DNAH9: variants seen among roughly 807,000 people sequenced by gnomAD.
DNAH9 encodes DNAH9 variant protein.
A neutral mutation model predicts 471.6 loss-of-function variants in DNAH9; 345 were observed. The ratio of observed to expected loss-of-function variants is 0.73; its 90% CI spans 0.67 to 0.80. The LOEUF is 0.80. Among genes scored for constraint, DNAH9 ranks in the 30% least tolerant of loss-of-function variants. The probability of loss-of-function intolerance (pLI) is 0.00; values close to 1 mark genes in which losing one functional copy is unlikely to be tolerated. For missense variants in DNAH9, 5,407 were observed against 5,609.2 expected (o/e 0.96, Z 1.15); for synonymous variants, 2,093 against 2,123.6 (o/e 0.99, Z 0.40).
intron 26 of DNAH9, among the ~76,000 whole-genome samples, chr17:11,712,910 CTT>C (rs1185836954): frequency 6.8e-6 from 1 of 147,372 alleles, no homozygotes; most frequent in African/African-American, 2.5e-5. Flanking sequence ...AAAAAAAAAA[CTT>C]TTATTTTAGG....
chr17:11,777,226 G>C (rs893164777), intron 38 of DNAH9, among the ~76,000 whole-genome samples: 1 of 152,126 alleles, frequency 6.6e-6, no homozygotes. Flanking sequence ...TGAGCTTTCA[G>C]GCAAGCAGTT....
In DNAH9 at chr17:11,598,729, G is replaced by T. The variant is rs2072314645; in HGVS notation, c.231G>T (p.Gly77=). ...GPRPLLVVRP[G]PRGLAIRPGL... Reference sequence around the variant, plus strand: ...GGCCGCTGCTGGTGGTGCGGCCCGGGCCCAGGGGCCTGGCAATACGCCCCG... The same window carrying T: ...GGCCGCTGCTGGTGGTGCGGCCCGGTCCCAGGGGCCTGGCAATACGCCCCG... The change falls in exon 1 of 69, where the codon GGG becomes GGT. Residue 77 remains glycine (G), a synonymous_variant. Coordinates refer to ENST00000262442, the MANE Select transcript of DNAH9 (RefSeq NM_001372.4). 7.2e-7 allele frequency: 1 copy of T among 1,397,148 alleles called. No individual in the cohort carries two copies. The highest frequency in any genetic ancestry group is 1.5e-5 in the South Asian group (1 of 64,702). The allele number at this position is 1,397,148 out of a possible 1,614,324, so 86.5% of individuals were successfully genotyped here.
In DNAH9 at chr17:11,915,731, C is replaced by G. The variant is rs939076008; in HGVS notation, c.11750-8083C>G. On this transcript the variant is annotated intron_variant, in intron 61 of 68. Transcript: ENST00000262442. ...TTTATCTGAAATATTTTCAACCATC[C>G]AATGCCTACTCATCCTGCAAATTAC... Among the ~76,000 whole-genome samples the G allele has an allele frequency of 2.0e-5, 3 of 152,180 alleles. No homozygotes were observed. In the East Asian group the frequency reaches 5.8e-4, roughly 29 times the overall value.
chr17:11,928,124 T>C (rs1463772814), intron 62 of DNAH9, among the ~76,000 whole-genome samples: 2 of 150,774 alleles, frequency 1.3e-5, no homozygotes, highest in East Asian at 2.2e-4. Flanking sequence ...TATTTATTTA[T>C]TCATTCATTC....
intron 50 of DNAH9, among the ~76,000 whole-genome samples, chr17:11,866,112 G>C (rs1001586965): frequency 2.6e-5 from 4 of 151,948 alleles, no homozygotes; most frequent in Non-Finnish European, 5.9e-5. Context: ...AGAGTTTCCA[G>C]TTTTTCTGCT....
intron 15 of DNAH9, among the ~76,000 whole-genome samples, chr17:11,667,932 C>T (rs1023595190): frequency 4.6e-5 from 7 of 152,186 alleles, no homozygotes; most frequent in East Asian, 1.9e-4. Context: ...AAGAAGACAA[C>T]GATGGATTTC....
chr17:11,867,809 T>C (rs1450142448), intron 50 of DNAH9, among the ~76,000 whole-genome samples: 1 of 152,252 alleles, frequency 6.6e-6, no homozygotes, highest in Non-Finnish European at 1.5e-5. Context: ...ATTCTCTGCC[T>C]CTATTGACTT....
At chr17:11,694,645 TCTCG>T (rs1157519157) in intron 22 of DNAH9, among the ~76,000 whole-genome samples, 198 bp downstream of exon 22, 212 of 3,176 alleles carry the variant, frequency 0.067, 50 homozygotes, top group Middle Eastern at 0.5. Flanking sequence ...TTTCTTGCTT[TCTCG>T]CTTTCTCGCT....
intron 63 of DNAH9, 29 bp from the exon 64 acceptor site, chr17:11,931,985 G>C (rs1002716919): frequency 4.3e-6 from 7 of 1,611,102 alleles, no homozygotes; most frequent in Non-Finnish European, 5.9e-6. Flanking sequence ...AGTTGTGTGC[G>C]AACCTTAAAA....
intron 33 of DNAH9, among the ~76,000 whole-genome samples, chr17:11,756,226 A>G (rs1451560026): frequency 6.6e-6 from 1 of 151,474 alleles, no homozygotes; most frequent in African/African-American, 2.4e-5. Context: ...GCAGTGAGCC[A>G]AGATTGTGCC....
intron 38 of DNAH9, among the ~76,000 whole-genome samples, chr17:11,780,529 C>T (rs1968628419): frequency 6.6e-6 from 1 of 152,196 alleles, no homozygotes; most frequent in Non-Finnish European, 1.5e-5. Context: ...AGTAGAGTAC[C>T]TGGCCTTGGG....
intron 67 of DNAH9, among the ~76,000 whole-genome samples, chr17:11,961,172 G>A (rs760751102): frequency 6.6e-5 from 10 of 151,926 alleles, no homozygotes; most frequent in African/African-American, 1.2e-4. Flanking sequence ...AAAATTAGCC[G>A]GGTGTGGTGG....
Position 11,768,382 on chromosome 17 carries a change from C to T in DNAH9, c.7171-71C>T, listed in dbSNP as rs546321808. Reference sequence around the variant, plus strand: ...TGTCCTGCCCTGACCTTCTATCTGACGCCGTGGCCTCCTGTGTGGGCTTCT... The same window carrying T: ...TGTCCTGCCCTGACCTTCTATCTGATGCCGTGGCCTCCTGTGTGGGCTTCT... On this transcript the variant is annotated intron_variant, in intron 36 of 68. Transcript: ENST00000262442. 4,432 of 1,484,512 alleles carry T rather than the reference C, an allele frequency of 3.0e-3. 15 individuals are homozygous for T. The highest frequency in any genetic ancestry group is 3.6e-3 in the Non-Finnish European group (3,935 of 1,080,032). 92.0% of individuals were successfully genotyped at this position (1,484,512 alleles called of 1,614,324 possible).
At chr17:11,632,148 A>C (rs9890307) in intron 7 of DNAH9, among the ~76,000 whole-genome samples, 4,049 of 152,314 alleles carry the variant, frequency 0.027, 114 homozygotes, top group South Asian at 0.099. Flanking sequence ...TTTCCTCCTA[A>C]TGGCTAGATT....
chr17:11,715,480 T>G (rs2074942947), intron 26 of DNAH9, among the ~76,000 whole-genome samples: 1 of 152,186 alleles, frequency 6.6e-6, no homozygotes, highest in Non-Finnish European at 1.5e-5. Context: ...AAGAAAAGAC[T>G]ATATGATCAT....
chr17:11,636,573 A>G (rs1054754406), intron 8 of DNAH9, 61 bp from the exon 9 acceptor site: 14 of 1,380,998 alleles, frequency 1.0e-5, no homozygotes, highest in Admixed American at 1.8e-5. Flanking sequence ...CTGGATTTGT[A>G]TAACCATGGA....
intron 19 of DNAH9, among the ~76,000 whole-genome samples, chr17:11,684,674 A>G (rs771025759): frequency 4.6e-5 from 7 of 152,212 alleles, no homozygotes; most frequent in Admixed American, 3.3e-4. Context: ...CTCCAGCTCA[A>G]TGAAGACCAT....
chr17:11,705,310 C>A, intron 26 of DNAH9, 125 bp downstream of exon 26: 2 of 765,736 alleles, frequency 2.6e-6, no homozygotes, highest in Non-Finnish European at 4.3e-6. Context: ...AAGGGCCTGA[C>A]TCAACACAGC....
At chr17:11,752,208 CGCTTTCCAAA>C (rs1967185775) in intron 32 of DNAH9, among the ~76,000 whole-genome samples, 2 of 152,188 alleles carry the variant, frequency 1.3e-5, no homozygotes. Context: ...TCAGATGGGC[CGCTTTCCAAA>C]GCTTGTGTTT....
Sources: allele counts gnomAD v4.1 joint callset (sites outside exome capture counted in the v4.1 genomes callset), GRCh38; gene constraint gnomAD v4.1.1; transcripts MANE v1.5; gene names NCBI Gene and HGNC (gene_info 2026-07-23, HGNC 2026-07-21).